MAPK8: variants seen among roughly 807,000 people sequenced by gnomAD.
The protein encoded by MAPK8 is mitogen-activated protein kinase 8.
Under a neutral mutation model 52.9 loss-of-function variants are expected in MAPK8, and 13 were observed. The ratio of observed to expected loss-of-function variants is 0.25; its 90% confidence interval spans 0.16 to 0.39. The LOEUF (loss-of-function observed/expected upper bound fraction) is 0.39. MAPK8 is among the 10% of genes least tolerant of loss of function. MAPK8 has a pLI of 1.00. For synonymous variants in MAPK8, 191 were observed against 169.8 expected (o/e 1.12, Z -0.97); for missense variants, 300 against 519.2 (o/e 0.58, Z 4.10).
chr10:48,379,759 CA>C (rs944512945), intron 1 of MAPK8, among the ~76,000 whole-genome samples: 36 of 152,204 alleles, frequency 2.4e-4, no homozygotes, highest in Admixed American at 2.1e-3. Context: ...TCTTCATTAA[CA>C]CATCAGTTTT....
At chr10:48,347,932 C>A (rs529005509) in intron 1 of MAPK8, among the ~76,000 whole-genome samples, 53 of 152,148 alleles carry the variant, frequency 3.5e-4, no homozygotes, top group Non-Finnish European at 7.1e-4. Context: ...ATTGCTGGGT[C>A]AAATGGTGTT....
intron 1 of MAPK8, among the ~76,000 whole-genome samples, chr10:48,354,710 G>A (rs1360934886): frequency 6.6e-6 from 1 of 151,376 alleles, no homozygotes; most frequent in Admixed American, 6.6e-5. Flanking sequence ...TGAATATGGG[G>A]GCAAGATCAC....
chr10:48,319,914 TTTTTC>T (rs1408283005), intron 1 of MAPK8, among the ~76,000 whole-genome samples: 2 of 151,758 alleles, frequency 1.3e-5, no homozygotes, highest in Non-Finnish European at 2.9e-5. Flanking sequence ...TTTCTGTTTT[TTTTTC>T]TTTTCTTTTT....
intron 5 of MAPK8, 96 bp from the exon 6 acceptor site, chr10:48,420,059 C>A: frequency 2.2e-6 from 2 of 893,390 alleles, no homozygotes; most frequent in South Asian, 1.9e-5. Flanking sequence ...GAACAATTAA[C>A]ATGAATGTTT....
chr10:48,408,238 A>G (rs1214486481), intron 3 of MAPK8, among the ~76,000 whole-genome samples: 1 of 152,198 alleles, frequency 6.6e-6, no homozygotes, highest in Non-Finnish European at 1.5e-5. Context: ...AGTTGTTTCT[A>G]ATAAGGATTC....
At chr10:48,310,250 T>C (rs1337508617) in intron 1 of MAPK8, among the ~76,000 whole-genome samples, 1 of 152,184 alleles carries the variant, frequency 6.6e-6, no homozygotes, top group Non-Finnish European at 1.5e-5. Context: ...GAACTTTTTT[T>C]TATAGAAGGC....
intron 1 of MAPK8, among the ~76,000 whole-genome samples, chr10:48,318,759 G>C (rs761244973): frequency 6.6e-6 from 1 of 152,170 alleles, no homozygotes; most frequent in Admixed American, 6.5e-5. Flanking sequence ...GTAAGGGTAC[G>C]TACTGTAAAC....
rs992177493 is a variant in MAPK8, at chr10:48,409,762, A to G, written c.253-117A>G. 4.3e-6 allele frequency: 3 copies of G among 700,462 alleles called. No homozygotes were observed. In the African/African-American group the frequency reaches 5.4e-5, roughly 13 times the overall value. 43.4% of individuals were successfully genotyped at this position (700,462 alleles called of 1,614,324 possible). A position where few individuals can be genotyped will look rare whatever the true frequency, so the allele number is the denominator to read the frequency against. On this transcript the variant is annotated intron_variant, in intron 3 of 11. Transcript: ENST00000374189. ...TGAAAGCAATTAACTTGAGCTTAGA[A>G]TGTAAAGAAAGATTTTAAACTGATG...
chr10:48,412,979 A>G (rs2042843002), intron 5 of MAPK8, among the ~76,000 whole-genome samples: 1 of 152,128 alleles, frequency 6.6e-6, no homozygotes, highest in South Asian at 2.1e-4. Context: ...GACAGACATC[A>G]TTCTATTTTA....
At chr10:48,338,209 A>G (rs193256913) in intron 1 of MAPK8, among the ~76,000 whole-genome samples, 4 of 152,320 alleles carry the variant, frequency 2.6e-5, no homozygotes, top group Non-Finnish European at 1.5e-5. Context: ...ATCCTCAACA[A>G]AATACTAGCA....
chr10:48,408,875 A>G (rs767315866), intron 3 of MAPK8, among the ~76,000 whole-genome samples: 8 of 152,138 alleles, frequency 5.3e-5, no homozygotes, highest in Non-Finnish European at 1.0e-4. Flanking sequence ...GAGGTGGCCA[A>G]CTTTTCACCT....
chr10:48,358,199 C>T (rs889197661), intron 1 of MAPK8, among the ~76,000 whole-genome samples: 1 of 152,192 alleles, frequency 6.6e-6, no homozygotes, highest in South Asian at 2.1e-4. Flanking sequence ...ATTGCTGGGT[C>T]ATATGGTAAT....
intron 1 of MAPK8, among the ~76,000 whole-genome samples, chr10:48,310,904 TTTAG>T (rs1364332186): frequency 6.6e-6 from 1 of 152,158 alleles, no homozygotes; most frequent in African/African-American, 2.4e-5. Flanking sequence ...ATATTTCAGA[TTTAG>T]TTAAAATCTG....
chr10:48,344,354 C>G (rs1845571035), intron 1 of MAPK8, among the ~76,000 whole-genome samples: 1 of 152,158 alleles, frequency 6.6e-6, no homozygotes, highest in African/African-American at 2.4e-5. Context: ...GCCTTTATTC[C>G]TAAAGAGCTA....
chr10:48,328,414 C>T (rs1174199180), intron 1 of MAPK8, among the ~76,000 whole-genome samples: 6 of 151,632 alleles, frequency 4.0e-5, no homozygotes, highest in African/African-American at 9.7e-5. Context: ...AGTTGTCTCA[C>T]ATTTGGCCAG....
intron 1 of MAPK8, among the ~76,000 whole-genome samples, chr10:48,373,285 C>T (rs996317254): frequency 2.0e-5 from 3 of 151,990 alleles, no homozygotes; most frequent in African/African-American, 7.3e-5. Flanking sequence ...CAAAAACATA[C>T]CAAATTGTAA....
At chr10:48,381,581 T>C (rs915924985) in intron 1 of MAPK8, among the ~76,000 whole-genome samples, 1 of 152,324 alleles carries the variant, frequency 6.6e-6, no homozygotes, top group Admixed American at 6.5e-5. Flanking sequence ...CATGGTTTCG[T>C]AGAAAGATAT....
chr10:48,426,174 C>G (rs2043669797), intron 8 of MAPK8, 104 bp downstream of exon 8: 1 of 1,120,188 alleles, frequency 8.9e-7, no homozygotes, highest in African/African-American at 1.6e-5. Context: ...GACATGAACC[C>G]AAGGTTTTCT....
intron 5 of MAPK8, among the ~76,000 whole-genome samples, chr10:48,410,752 T>C (rs1754649993): frequency 1.3e-5 from 2 of 152,232 alleles, no homozygotes; most frequent in South Asian, 4.1e-4. Flanking sequence ...CCACTAGCAG[T>C]GTATGCGGGT....
Sources: gnomAD v4.1 joint callset for allele counts (sites outside exome capture counted in the v4.1 genomes callset) on GRCh38, gnomAD v4.1.1 for gene constraint, MANE v1.5 for transcripts, NCBI Gene and HGNC (gene_info 2026-07-23, HGNC 2026-07-21) for gene names.